SLC15A2: variants seen among roughly 807,000 people sequenced by gnomAD.
SLC15A2 encodes solute carrier family 15 member 2, also known as kidney H(+)/peptide cotransporter.
SLC15A2 carries 77 observed loss-of-function variants against 95.5 expected under a neutral mutation model. The observed-to-expected ratio is 0.81, with a 90% CI of 0.67 to 0.97. The LOEUF is 0.97. Ranked by LOEUF, SLC15A2 falls within the 50% of genes least tolerant of loss-of-function variation. The pLI, the probability that SLC15A2 is intolerant of heterozygous loss-of-function variation, is 0.00. For synonymous variants in SLC15A2, 306 were observed against 306.9 expected (o/e 1.00, Z 0.03); for missense variants, 893 against 874.4 (o/e 1.02, Z -0.27).
At position 121,896,917 on chromosome 3, in the gene SLC15A2, A is replaced by G. The variant is rs1461136201; in HGVS notation, c.193+424A>G. On this transcript the variant is annotated intron_variant, in intron 2 of 21. Transcript: ENST00000489711. Reference sequence around the variant, plus strand: ...ACTCATCTCCAAAAAAAAAAAAAAAAAAGGGGGGGGAGGGAAAGCTCTCAT... The same window carrying G: ...ACTCATCTCCAAAAAAAAAAAAAAAGAAGGGGGGGGAGGGAAAGCTCTCAT... Among the ~76,000 whole-genome samples, 696 of 149,622 alleles carry G rather than the reference A, an allele frequency of 4.7e-3. 2 individuals are homozygous for G. Among genetic ancestry groups the G allele is most frequent in the Non-Finnish European group, 8.3e-3 (559 of 67,396 alleles).
intron 4 of SLC15A2, among the ~76,000 whole-genome samples, chr3:121,912,571 G>A (rs147092913): frequency 4.7e-4 from 71 of 152,136 alleles, no homozygotes; most frequent in Admixed American, 1.4e-3. Context: ...TTGGTGTCCC[G>A]TCAAAAATCT....
Position 121,930,875 on chromosome 3 carries a change from C to G in SLC15A2, c.1589C>G (p.Ser530Cys), listed in dbSNP as rs776929751. The part of the protein sequence containing the change: ...VNTLHKDVNI[S>C]LSTDTSLNVG... Reference sequence around the variant, plus strand: ...ACTTTGCATAAAGATGTCAACATCTCCCTGAGTACAGATACCTCTCTCAAT... The same window carrying G: ...ACTTTGCATAAAGATGTCAACATCTGCCTGAGTACAGATACCTCTCTCAAT... Residue 530 changes from serine to cysteine, a missense_variant, in exon 18 of 22, where the codon TCC (serine) becomes TGC (cysteine). Transcript: ENST00000489711. The G allele has an allele frequency of 3.7e-6, 6 of 1,613,304 alleles. 1 individual carries two copies. In the Admixed American group the frequency reaches 1.0e-4, roughly 27 times the overall value.
chr3:121,932,880 T>C (rs902232593), intron 19 of SLC15A2, among the ~76,000 whole-genome samples: 3 of 152,138 alleles, frequency 2.0e-5, no homozygotes, highest in Admixed American at 2.0e-4. Context: ...CATCTAGCAT[T>C]AGGTATATCT....
intron 1 of SLC15A2, among the ~76,000 whole-genome samples, chr3:121,895,950 C>A (rs930121216): frequency 6.6e-6 from 1 of 152,212 alleles, no homozygotes; most frequent in Non-Finnish European, 1.5e-5. Flanking sequence ...GGATTCCTCC[C>A]AGCATGGCAA....
In SLC15A2 at chr3:121,939,468, C is replaced by T; in HGVS notation, c.1881C>T (p.Val627=). The change falls in exon 20 of 22, where the codon GTC becomes GTT. Residue 627 remains valine (V), a synonymous_variant. Coordinates refer to ENST00000489711, the MANE Select transcript of SLC15A2 (RefSeq NM_021082.4). ...LVTAGEVMFS[V]TGLEFSYSQA... is the part of the protein sequence containing the mutation. ...CAGCTGGGGAGGTCATGTTCTCTGT[C>T]ACAGGTCTTGAGTTTTCTTATTCTC... is the stretch of plus-strand genomic sequence containing the variant. 6.6e-7 allele frequency: 1 copy of T among 1,520,104 alleles called. No individual in the cohort carries two copies. Among genetic ancestry groups the T allele is most frequent in the Non-Finnish European group, 8.8e-7 (1 of 1,135,826 alleles). The allele number at this position is 1,520,104 out of a possible 1,614,324, so 94.2% of individuals were successfully genotyped here.
chr3:121,929,361 A>G lies in SLC15A2; in HGVS notation c.1553+13A>G, dbSNP rs377204013. 9.3e-6 allele frequency: 15 copies of G among 1,613,184 alleles called. No individual in the cohort carries two copies. Among genetic ancestry groups the G allele is most frequent in the East Asian group, 2.2e-5 (1 of 44,888 alleles). ...TGACAACCGTGAGGTTTGAATGTCA[A>G]TGAGATTCCAGGCCACTCTGTTTTC... On this transcript the variant is annotated intron_variant, in intron 17 of 21. Coordinates refer to ENST00000489711, the MANE Select transcript of SLC15A2 (RefSeq NM_021082.4).
chr3:121,940,460 T>G lies in SLC15A2; in HGVS notation c.1985T>G (p.Val662Gly), dbSNP rs749208604. Residue 662 changes from valine to glycine, a missense_variant, in exon 21 of 22, where the codon GTT becomes GGT. By Grantham distance (109) the Val-to-Gly change is moderately radical. Transcript: ENST00000489711. Reference sequence around the variant, plus strand: ...GCAGTTGGGAATATCATCGTGCTTGTTGTGGCACAGTTCAGTGGCCTGGTA... The same window carrying G: ...GCAGTTGGGAATATCATCGTGCTTGGTGTGGCACAGTTCAGTGGCCTGGTA... ...TIAVGNIIVL[V>G]VAQFSGLVQW... 2 of 1,614,110 alleles carry G rather than the reference T, an allele frequency of 1.2e-6. No homozygotes were observed. The highest frequency in any genetic ancestry group is 1.7e-6 in the Non-Finnish European group (2 of 1,179,960).
chr3:121,913,541 A>G (rs1218195817), intron 5 of SLC15A2, among the ~76,000 whole-genome samples: 3 of 152,206 alleles, frequency 2.0e-5, no homozygotes, highest in Non-Finnish European at 4.4e-5. Flanking sequence ...AACTTGAGGT[A>G]TTTAGAAAGA....
Position 121,924,933 on chromosome 3 carries a change from A to C in SLC15A2, c.1036-12A>C. The stretch of plus-strand genomic sequence containing the variant: ...ATATTTGTAGCTAATCCTTTTTATC[A>C]TGGTGTTACAGGTTCTAAATCCCCT... On this transcript the variant is annotated splice_polypyrimidine_tract_variant and intron_variant, in intron 12 of 21. Coordinates refer to ENST00000489711, the MANE Select transcript of SLC15A2 (RefSeq NM_021082.4). The C allele has an allele frequency of 6.3e-7, 1 of 1,576,430 alleles. No individual in the cohort carries two copies. The highest frequency in any genetic ancestry group is 8.7e-7 in the Non-Finnish European group (1 of 1,145,550).
intron 19 of SLC15A2, among the ~76,000 whole-genome samples, chr3:121,937,002 G>A (rs1036339666): frequency 1.1e-4 from 17 of 152,048 alleles, no homozygotes; most frequent in African/African-American, 1.7e-4. Flanking sequence ...TGTAAAGGAT[G>A]TTATTTCTCC....
Position 121,941,962 on chromosome 3 carries a change from C to G in SLC15A2, c.*955C>G, listed in dbSNP as rs1710471601. 6.6e-6 allele frequency: 1 copy of G among 152,154 alleles called. No individual in the cohort carries two copies. The highest frequency in any genetic ancestry group is 2.1e-4 in the South Asian group (1 of 4,828). The allele number at this position is 152,154 out of a possible 1,614,324, so 9.4% of individuals were successfully genotyped here. A position where few individuals can be genotyped will look rare whatever the true frequency, so the allele number is the denominator to read the frequency against. Reference sequence around the variant, plus strand: ...CAATAACAACAATGTTTCTATAAGTCCAACTTCCTTTATTAATGTTTCCAT... The same window carrying G: ...CAATAACAACAATGTTTCTATAAGTGCAACTTCCTTTATTAATGTTTCCAT... On this transcript the variant is annotated 3_prime_UTR_variant, in exon 22 of 22. Transcript: ENST00000489711.
chr3:121,925,290 C>T (rs1421218103), intron 13 of SLC15A2, among the ~76,000 whole-genome samples: 1 of 152,024 alleles, frequency 6.6e-6, no homozygotes, highest in Non-Finnish European at 1.5e-5. Flanking sequence ...AGGTTTCATG[C>T]CAAACCAAAA....
chr3:121,917,858 A>G (rs979359035), intron 7 of SLC15A2, among the ~76,000 whole-genome samples: 2 of 152,182 alleles, frequency 1.3e-5, no homozygotes, highest in African/African-American at 4.8e-5. Context: ...GTAAGACAAG[A>G]GGCTGAGAAA....
At chr3:121,940,696 A>G in intron 21 of SLC15A2, 135 bp from the exon 22 acceptor site, 2 of 958,504 alleles carry the variant, frequency 2.1e-6, no homozygotes, top group Non-Finnish European at 3.1e-6. Flanking sequence ...GAGGCCAGTG[A>G]ACCCAGTCTT....
At chr3:121,923,706 T>C (rs978673834) in intron 11 of SLC15A2, among the ~76,000 whole-genome samples, 2 of 152,210 alleles carry the variant, frequency 1.3e-5, no homozygotes, top group Non-Finnish European at 2.9e-5. Context: ...GAGAAGGTTA[T>C]ACGTATTATT....
intron 3 of SLC15A2, among the ~76,000 whole-genome samples, chr3:121,908,558 T>G (rs574170514): frequency 4.0e-4 from 61 of 152,302 alleles, no homozygotes; most frequent in Non-Finnish European, 7.9e-4. Flanking sequence ...CTCTTTTCTC[T>G]TTCTCTGAGT....
chr3:121,940,434 T>A lies in SLC15A2; in HGVS notation c.1959T>A (p.Ile653=). The A allele has an allele frequency of 2.5e-6, 4 of 1,614,150 alleles. No homozygotes were observed. Among genetic ancestry groups the A allele is most frequent in the Non-Finnish European group, 3.4e-6 (4 of 1,179,994 alleles). The change falls in exon 21 of 22, where the codon ATT becomes ATA. Residue 653 remains isoleucine (I), a synonymous_variant. Coordinates refer to ENST00000489711, the MANE Select transcript of SLC15A2 (RefSeq NM_021082.4). ...SVLQAAWLLT[I]AVGNIIVLVV... is the part of the protein sequence containing the mutation. ...TCCAGGCAGCTTGGCTATTGACAAT[T>A]GCAGTTGGGAATATCATCGTGCTTG...
chr3:121,907,963 G>T (rs1032794209), intron 3 of SLC15A2, among the ~76,000 whole-genome samples: 1 of 152,244 alleles, frequency 6.6e-6, no homozygotes, highest in East Asian at 1.9e-4. Flanking sequence ...CTTTTGTTCC[G>T]CTATGCCCTG....
intron 7 of SLC15A2, among the ~76,000 whole-genome samples, chr3:121,919,187 A>G (rs1709956361): frequency 6.6e-6 from 1 of 151,880 alleles, no homozygotes; most frequent in Non-Finnish European, 1.5e-5. Flanking sequence ...GCATGTTACA[A>G]CTCTCTCCTG....
Sources: gnomAD v4.1 joint callset for allele counts (sites outside exome capture counted in the v4.1 genomes callset) on GRCh38, gnomAD v4.1.1 for gene constraint, MANE v1.5 for transcripts, NCBI Gene and HGNC (gene_info 2026-07-23, HGNC 2026-07-21) for gene names.